NDST4: variants seen among roughly 807,000 people sequenced by gnomAD.
The protein encoded by NDST4 is N-heparan sulfate sulfotransferase 4.
A neutral mutation model predicts 100.8 loss-of-function variants in NDST4; 63 were observed. That is an observed-to-expected ratio of 0.62 (90% CI 0.51 to 0.77). The LOEUF (loss-of-function observed/expected upper bound fraction) is 0.77, where lower values mean the gene tolerates loss of function less well. Among genes scored for constraint, NDST4 ranks in the 30% least tolerant of loss-of-function variants. NDST4 has a pLI of 0.00. For synonymous variants in NDST4, 377 were observed against 361.8 expected, an observed-to-expected ratio of 1.04 and a Z score of -0.48; for missense variants, 943 against 1,018.4, an observed-to-expected ratio of 0.93 and a Z score of 1.01.
intron 4 of NDST4, among the ~76,000 whole-genome samples, chr4:114,959,378 G>A (rs1427953114): frequency 6.6e-6 from 1 of 151,336 alleles, no homozygotes; most frequent in Non-Finnish European, 1.5e-5. Flanking sequence ...AATCCAAGAT[G>A]GGGTAATTTG....
chr4:114,858,417 A>G (rs1300825498), intron 7 of NDST4, among the ~76,000 whole-genome samples: 2 of 152,176 alleles, frequency 1.3e-5, no homozygotes, highest in Non-Finnish European at 2.9e-5. Flanking sequence ...TTTCTGGTAA[A>G]GGAAGCATGG....
At chr4:114,983,514 C>A (rs1256450090) in intron 2 of NDST4, among the ~76,000 whole-genome samples, 1 of 152,036 alleles carries the variant, frequency 6.6e-6, no homozygotes, top group Non-Finnish European at 1.5e-5. Context: ...TGGCCAAATT[C>A]TTCTATTTGG....
intron 6 of NDST4, among the ~76,000 whole-genome samples, chr4:114,876,949 G>A (rs1314199507): frequency 6.6e-6 from 1 of 152,136 alleles, no homozygotes; most frequent in African/African-American, 2.4e-5. Flanking sequence ...GGTTTCAGGT[G>A]ACTGTCTGAG....
At chr4:115,028,054 C>A (rs1198507018) in intron 2 of NDST4, among the ~76,000 whole-genome samples, 2 of 149,784 alleles carry the variant, frequency 1.3e-5, no homozygotes, top group Non-Finnish European at 3.0e-5. Context: ...GAGTAAAACT[C>A]CGTCTAAAAA....
chr4:114,929,113 C>CATCCATCCATCCATCCATCT (rs1578395038), intron 6 of NDST4, among the ~76,000 whole-genome samples: 10 of 117,388 alleles, frequency 8.5e-5, no homozygotes, highest in East Asian at 4.9e-4. Context: ...TCCATCCATC[C>CATCCATCCATCCATCCATCT]ATCTATCTAT....
chr4:114,886,623 A>T (rs2126204001), intron 6 of NDST4, among the ~76,000 whole-genome samples: 1 of 152,282 alleles, frequency 6.6e-6, no homozygotes, highest in Non-Finnish European at 1.5e-5. Flanking sequence ...CATTAAAAAA[A>T]GTTCTGTTTA....
chr4:114,907,760 G>A (rs1293056626), intron 6 of NDST4, among the ~76,000 whole-genome samples: 2 of 151,998 alleles, frequency 1.3e-5, no homozygotes, highest in African/African-American at 2.4e-5. Flanking sequence ...AGAGGAGGTT[G>A]TACTTGAAAT....
chr4:114,980,710 T>A (rs1726748488), intron 2 of NDST4, among the ~76,000 whole-genome samples: 1 of 150,892 alleles, frequency 6.6e-6, no homozygotes, highest in South Asian at 2.1e-4. Context: ...ACAATATACA[T>A]TATTTATTTA....
intron 6 of NDST4, among the ~76,000 whole-genome samples, chr4:114,916,534 CTCTGTGTG>C (rs1350329253): frequency 2.8e-4 from 34 of 123,478 alleles, no homozygotes; most frequent in African/African-American, 1.0e-3. Flanking sequence ...TCCTGGTAGG[CTCTGTGTG>C]TGTGTGTGTG....
At chr4:115,062,468 C>A (rs576916734) in intron 2 of NDST4, among the ~76,000 whole-genome samples, 2 of 151,482 alleles carry the variant, frequency 1.3e-5, no homozygotes, top group African/African-American at 4.9e-5. Flanking sequence ...TGCCCACAAG[C>A]GATGCATGAT....
chr4:114,900,349 T>G (rs747965139), intron 6 of NDST4, among the ~76,000 whole-genome samples: 8 of 152,164 alleles, frequency 5.3e-5, no homozygotes, highest in Non-Finnish European at 8.8e-5. Context: ...TAATTTTTAT[T>G]GTTTCTTTTG....
At chr4:114,987,965 T>C (rs1726949040) in intron 2 of NDST4, among the ~76,000 whole-genome samples, 1 of 152,342 alleles carries the variant, frequency 6.6e-6, no homozygotes, top group South Asian at 2.1e-4. Flanking sequence ...TGATTTTACA[T>C]GAAATGTGAT....
At chr4:115,101,102 GCTCT>G (rs1206655870) in intron 1 of NDST4, among the ~76,000 whole-genome samples, 1 of 151,968 alleles carries the variant, frequency 6.6e-6, no homozygotes, top group Non-Finnish European at 1.5e-5. Flanking sequence ...TTGATTGAAT[GCTCT>G]CTAATAGCCA....
chr4:114,892,534 T>C lies in NDST4; in HGVS notation c.1537-21584A>G, dbSNP rs569022244. Among the ~76,000 whole-genome samples, 5 of 152,206 alleles carry C rather than the reference T, an allele frequency of 3.3e-5. No homozygotes were observed. In the East Asian group the frequency reaches 9.7e-4, roughly 29 times the overall value. On this transcript the variant is annotated intron_variant, in intron 6 of 13. Transcript: ENST00000264363. ...ACCATCAAAGATGTCTTATTTCACA[T>C]CCCTACCACTTAAGTTTTTACCATA... is the stretch of plus-strand genomic sequence containing the variant.
At chr4:115,105,182 G>C (rs543150082) in intron 1 of NDST4, among the ~76,000 whole-genome samples, 11 of 152,032 alleles carry the variant, frequency 7.2e-5, no homozygotes, top group African/African-American at 2.7e-4. Flanking sequence ...TTACATGAAG[G>C]CTTCTACAAA....
rs536839544 is a variant in NDST4, at chr4:114,970,879, C to T, written c.1067-295G>A. 7.9e-5 allele frequency among the ~76,000 whole-genome samples: 12 copies of T among 152,074 alleles called. No homozygotes were observed. The East Asian group carries it at 2.3e-3, about 29-fold the overall frequency. ...TATACCCTTATATGTATTTTATACC[C>T]TAACATATATTTTTTACCCTTAAAT... On this transcript the variant is annotated intron_variant, in intron 3 of 13. Coordinates refer to ENST00000264363, the MANE Select transcript of NDST4 (RefSeq NM_022569.3).
At chr4:114,995,715 G>T (rs747676912) in intron 2 of NDST4, among the ~76,000 whole-genome samples, 1 of 151,766 alleles carries the variant, frequency 6.6e-6, no homozygotes, top group African/African-American at 2.4e-5. Context: ...TTCCTATATG[G>T]TGCATTTAAT....
At chr4:114,837,367 A>G (rs1723326810) in intron 11 of NDST4, among the ~76,000 whole-genome samples, 1 of 152,114 alleles carries the variant, frequency 6.6e-6, no homozygotes, top group Non-Finnish European at 1.5e-5. Context: ...CCGTATAGCC[A>G]AGACAATCCT....
chr4:115,098,896 A>T (rs1729674566), intron 1 of NDST4, among the ~76,000 whole-genome samples: 1 of 152,100 alleles, frequency 6.6e-6, no homozygotes, highest in Non-Finnish European at 1.5e-5. Context: ...TTGTAGAGAC[A>T]GTGGTCTCAC....
Sources: allele counts gnomAD v4.1 joint callset (sites outside exome capture counted in the v4.1 genomes callset), GRCh38; gene constraint gnomAD v4.1.1; transcripts MANE v1.5; gene names NCBI Gene and HGNC (gene_info 2026-07-23, HGNC 2026-07-21).